The following MARK4 variants were observed in gnomAD, a reference collection of about 807,000 sequenced individuals.
MARK4 encodes the protein MAP/microtubule affinity-regulating kinase 4.
A neutral mutation model predicts 81.5 loss-of-function variants in MARK4; 19 were observed. The ratio of observed to expected loss-of-function variants is 0.23; its 90% CI spans 0.16 to 0.34. The LOEUF (loss-of-function observed/expected upper bound fraction) is 0.34, where lower values mean the gene tolerates loss of function less well. MARK4 is among the 10% of genes least tolerant of loss of function. MARK4 has a pLI of 1.00. For missense variants in MARK4, 772 were observed against 1,058.8 expected, an observed-to-expected ratio of 0.73 and a Z score of 3.76; for synonymous variants, 436 against 439.0, an observed-to-expected ratio of 0.99 and a Z score of 0.08.
At chr19:45,268,257 A>G (rs1372634092) in intron 7 of MARK4, among the ~76,000 whole-genome samples, 1 of 152,056 alleles carries the variant, frequency 6.6e-6, no homozygotes, top group Admixed American at 6.6e-5. Flanking sequence ...CCTGGGCAAC[A>G]CACCCAAGAC....
intron 8 of MARK4, 96 bp from the exon 9 acceptor site, chr19:45,277,823 TTGTG>T (rs58592372): frequency 0.15 from 108,369 of 727,696 alleles, 1,620 homozygotes; most frequent in East Asian, 0.25. Context: ...GGGACAAAGG[TTGTG>T]TGTGTGTGTG....
intron 8 of MARK4, among the ~76,000 whole-genome samples, chr19:45,276,987 G>A (rs1342660710): frequency 6.6e-6 from 1 of 151,866 alleles, no homozygotes; most frequent in Non-Finnish European, 1.5e-5. Context: ...CATGTGAAGT[G>A]GGTCCTGTAA....
Position 45,251,421 on chromosome 19 carries a change from TCCCCTCC to T in MARK4, c.-164_-158del. The T allele has an allele frequency of 2.7e-6, 1 of 374,986 alleles. No homozygotes were observed. 23.2% of individuals were successfully genotyped at this position (374,986 alleles called of 1,614,324 possible). On this transcript the variant is annotated 5_prime_UTR_variant, in exon 1 of 17. Transcript: ENST00000262891. ...GGCCACTAGGACCCTCGGCGTCCCT[TCCCCTCC>T]CCCGCCCTGCCCCCTCTCCCGCCGC... is the stretch of plus-strand genomic sequence containing the variant.
chr19:45,263,505 G>C (rs1342857482), intron 4 of MARK4, 138 bp downstream of exon 4: 1 of 1,024,862 alleles, frequency 9.8e-7, no homozygotes, highest in African/African-American at 1.6e-5. Context: ...ACTTAGGGAG[G>C]CCGAGGCGGG....
chr19:45,298,283 G>C, intron 15 of MARK4: 1 of 1,544,482 alleles, frequency 6.5e-7, no homozygotes, highest in Non-Finnish European at 8.9e-7. Context: ...TGTCTGACCT[G>C]TGTGTGCGGG....
intron 1 of MARK4, among the ~76,000 whole-genome samples, chr19:45,255,556 T>C (rs1460026085): frequency 9.2e-6 from 1 of 108,750 alleles, no homozygotes; most frequent in Admixed American, 1.1e-4. Flanking sequence ...AGTGAAACTC[T>C]GCCAAAAAAA....
intron 1 of MARK4, among the ~76,000 whole-genome samples, chr19:45,257,146 A>C (rs900553890): frequency 1.3e-5 from 2 of 151,092 alleles, no homozygotes; most frequent in African/African-American, 2.4e-5. Flanking sequence ...GTTTTTCTAG[A>C]GATGGGTGTC....
intron 13 of MARK4, among the ~76,000 whole-genome samples, chr19:45,292,453 T>G (rs1254230353): frequency 1.3e-5 from 2 of 152,212 alleles, no homozygotes; most frequent in African/African-American, 4.8e-5. Context: ...GTGAGGATCT[T>G]GTAAGATCTC....
chr19:45,256,187 C>T (rs1374396537), intron 1 of MARK4, among the ~76,000 whole-genome samples: 1 of 152,186 alleles, frequency 6.6e-6, no homozygotes, highest in African/African-American at 2.4e-5. Context: ...CCTGTAATGC[C>T]AGCACTTTGG....
chr19:45,252,960 C>T (rs1249755036), intron 1 of MARK4, among the ~76,000 whole-genome samples: 2 of 152,050 alleles, frequency 1.3e-5, no homozygotes, highest in Non-Finnish European at 2.9e-5. Context: ...CCACTGCCCC[C>T]ATGGCTTTGT....
chr19:45,278,942 G>A (rs1970637217), intron 10 of MARK4, among the ~76,000 whole-genome samples: 1 of 152,132 alleles, frequency 6.6e-6, no homozygotes, highest in African/African-American at 2.4e-5. Flanking sequence ...AGAGAGACCA[G>A]GCGAGGTGGT....
chr19:45,302,903 G>T lies in MARK4; in HGVS notation c.*193G>T. On this transcript the variant is annotated 3_prime_UTR_variant, in exon 17 of 17. Coordinates refer to ENST00000262891, the MANE Select transcript of MARK4 (RefSeq NM_001199867.2). The surrounding 1 kb of genome is among the most constrained non-coding windows in gnomAD (Gnocchi z 4.9). Reference sequence around the variant, plus strand: ...CACAGAAGAAGGATGAGGGGGCTCAGCGGGGGGAGCTGGCACCTTCCTGGA... The same window carrying T: ...CACAGAAGAAGGATGAGGGGGCTCATCGGGGGGAGCTGGCACCTTCCTGGA... The T allele has an allele frequency of 1.1e-6, 1 of 940,100 alleles. No homozygotes were observed. Among genetic ancestry groups the T allele is most frequent in the Non-Finnish European group, 1.5e-6 (1 of 654,144 alleles). The allele number at this position is 940,100 out of a possible 1,614,324, so 58.2% of individuals were successfully genotyped here.
Position 45,299,517 on chromosome 19 carries a change from GTCTC to G in MARK4, c.1878-288_1878-285del, listed in dbSNP as rs371649009. 1.3e-3 allele frequency among the ~76,000 whole-genome samples: 191 copies of G among 152,332 alleles called. 1 individual carries two copies. The East Asian group carries it at 0.013, about 10-fold the overall frequency. Reference sequence around the variant, plus strand: ...TGTGTGTGTGTGCACACGTGCGTGTGTCTCTCTCTTTCTCTCTGTGGCCACTTAT... The same window carrying G: ...TGTGTGTGTGTGCACACGTGCGTGTGTCTCTTTCTCTCTGTGGCCACTTAT... On this transcript the variant is annotated intron_variant, in intron 15 of 16. Coordinates refer to ENST00000262891, the MANE Select transcript of MARK4 (RefSeq NM_001199867.2).
At chr19:45,262,728 C>T (rs1423272254) in intron 2 of MARK4, among the ~76,000 whole-genome samples, 1 of 152,332 alleles carries the variant, frequency 6.6e-6, no homozygotes, top group Middle Eastern at 3.4e-3. Context: ...AGTTCCCCAT[C>T]CACAGGGTAT....
At chr19:45,257,070 T>C (rs925043614) in intron 1 of MARK4, among the ~76,000 whole-genome samples, 2 of 151,978 alleles carry the variant, frequency 1.3e-5, no homozygotes, top group Non-Finnish European at 2.9e-5. Context: ...TCTTCCCATC[T>C]CAGCCCCCTG....
chr19:45,279,084 T>C (rs1970639062), intron 10 of MARK4, among the ~76,000 whole-genome samples: 1 of 151,228 alleles, frequency 6.6e-6, no homozygotes, highest in Non-Finnish European at 1.5e-5. Flanking sequence ...AATTAGCCAG[T>C]TGTGGTTGTG....
chr19:45,279,259 A>G (rs1970641393), intron 10 of MARK4, among the ~76,000 whole-genome samples: 1 of 151,408 alleles, frequency 6.6e-6, no homozygotes, highest in African/African-American at 2.4e-5. Flanking sequence ...GCTCACGCCT[A>G]TAATCTGAGC....
At chr19:45,272,235 C>T (rs925930483) in intron 8 of MARK4, among the ~76,000 whole-genome samples, 1 of 151,988 alleles carries the variant, frequency 6.6e-6, no homozygotes, top group Non-Finnish European at 1.5e-5. Flanking sequence ...GGGAGGCTGA[C>T]GCGGGAGGAT....
At position 45,302,303 on chromosome 19, in the gene MARK4, G is replaced by A; in HGVS notation, c.1923-71G>A. The stretch of plus-strand genomic sequence containing the variant: ...AGGAATGTGTCCCGAATTGGGAAGA[G>A]TTGTCCCTTCAGCCCTCCACCACAT... On this transcript the variant is annotated intron_variant, in intron 16 of 16. Transcript: ENST00000262891. The surrounding 1 kb of genome is among the most constrained non-coding windows in gnomAD (Gnocchi z 4.9). 1.2e-6 allele frequency: 2 copies of A among 1,605,470 alleles called. No homozygotes were observed. The highest frequency in any genetic ancestry group is 8.5e-7 in the Non-Finnish European group (1 of 1,174,852).
Sources: gnomAD v4.1 joint callset for allele counts (sites outside exome capture counted in the v4.1 genomes callset) on GRCh38, gnomAD v4.1.1 for gene constraint, Gnocchi (gnomAD v3.1) non-coding constraint, MANE v1.5 for transcripts, NCBI Gene and HGNC (gene_info 2026-07-23, HGNC 2026-07-21) for gene names.